AGAP1: variants seen among roughly 807,000 people sequenced by gnomAD.
AGAP1 encodes the protein ArfGAP with GTPase domain, ankyrin repeat and PH domain 1.
Under a neutral mutation model 105.3 loss-of-function variants are expected in AGAP1, and 29 were observed. The ratio of observed to expected loss-of-function variants is 0.28; its 90% CI spans 0.21 to 0.38. The LOEUF (loss-of-function observed/expected upper bound fraction) is 0.38, where lower values mean the gene tolerates loss of function less well. Ranked by LOEUF, AGAP1 falls within the 10% of genes least tolerant of loss-of-function variation. The pLI, the probability that AGAP1 is intolerant of heterozygous loss-of-function variation, is 1.00. For synonymous variants in AGAP1, 509 were observed against 485.9 expected, an observed-to-expected ratio of 1.05 and a Z score of -0.63; for missense variants, 998 against 1,165.1, an observed-to-expected ratio of 0.86 and a Z score of 2.09.
chr2:235,913,103 T>C (rs907702808), intron 11 of AGAP1, among the ~76,000 whole-genome samples: 5 of 152,228 alleles, frequency 3.3e-5, no homozygotes, highest in Non-Finnish European at 5.9e-5. Flanking sequence ...AGGTTTTCCC[T>C]CTTTTTTATT....
At chr2:235,868,497 G>A (rs1446749413) in intron 9 of AGAP1, among the ~76,000 whole-genome samples, 5 of 152,248 alleles carry the variant, frequency 3.3e-5, no homozygotes, top group East Asian at 1.9e-4. Context: ...CGTTGAGACT[G>A]TTGCTCCATC....
intron 1 of AGAP1, among the ~76,000 whole-genome samples, chr2:235,527,219 C>G (rs1355442476): frequency 6.6e-6 from 1 of 152,144 alleles, no homozygotes. Flanking sequence ...AGACATTGGC[C>G]AGGCAAGCAT....
rs747027096 is a variant in AGAP1 at position 235,877,468 on chromosome 2, T to C, written c.1051-5877T>C. 2.0e-5 allele frequency among the ~76,000 whole-genome samples: 3 copies of C among 152,090 alleles called. No individual in the cohort carries two copies. The highest frequency in any genetic ancestry group is 2.9e-5 in the Non-Finnish European group (2 of 68,020). On this transcript the variant is annotated intron_variant, in intron 9 of 17. Transcript: ENST00000304032. This position sits in a 1 kb window ranked among gnomAD's most constrained non-coding sequence, Gnocchi z 4.3. ...GTATCACGTGGTGACCCCAGTCTCT[T>C]CCTTTCCTGCTTTCATACTGAGAAA...
intron 1 of AGAP1, among the ~76,000 whole-genome samples, chr2:235,547,415 G>A (rs1943661762): frequency 6.7e-6 from 1 of 148,454 alleles, no homozygotes; most frequent in African/African-American, 2.5e-5. Context: ...CTGGAGTGCA[G>A]TGGTGCGATC....
intron 9 of AGAP1, among the ~76,000 whole-genome samples, chr2:235,818,406 G>A (rs568097804): frequency 2.0e-5 from 3 of 152,050 alleles, no homozygotes; most frequent in Non-Finnish European, 4.4e-5. Context: ...TCCCCTTCCC[G>A]CCCCATGCCA....
chr2:236,105,637 C>T lies in AGAP1; in HGVS notation c.2115-14555C>T, dbSNP rs1369615762. Among the ~76,000 whole-genome samples the T allele has an allele frequency of 6.7e-6, 1 of 150,146 alleles. No homozygotes were observed. The highest frequency in any genetic ancestry group is 1.5e-5 in the Non-Finnish European group (1 of 67,726). ...GTGGCGTGAACTCGGCTCACTGCAA[C>T]CTCCGCCTCCCGGGTTCACACCATT... On this transcript the variant is annotated intron_variant, in intron 16 of 17. Transcript: ENST00000304032. The surrounding 1 kb of genome is among the most constrained non-coding windows in gnomAD (Gnocchi z 4.2).
At chr2:235,935,546 C>T (rs917480610) in intron 12 of AGAP1, among the ~76,000 whole-genome samples, 1 of 151,540 alleles carries the variant, frequency 6.6e-6, no homozygotes, top group African/African-American at 2.4e-5. Context: ...AATTGATCTA[C>T]ATGTCAGATC....
At chr2:235,897,632 T>G (rs940857618) in intron 10 of AGAP1, among the ~76,000 whole-genome samples, 3 of 152,134 alleles carry the variant, frequency 2.0e-5, no homozygotes, top group Non-Finnish European at 2.9e-5. Flanking sequence ...TTTTGGCCTT[T>G]TCGTGTTACT....
rs933312347 is a variant in AGAP1, at chr2:235,737,357, T to C, written c.311-3606T>C. Among the ~76,000 whole-genome samples, 1 of 152,254 alleles carries C rather than the reference T, an allele frequency of 6.6e-6. No individual in the cohort carries two copies. Among genetic ancestry groups the C allele is most frequent in the Admixed American group, 6.5e-5 (1 of 15,282 alleles). On this transcript the variant is annotated intron_variant, in intron 3 of 17. Transcript: ENST00000304032. The surrounding 1 kb of genome is among the most constrained non-coding windows in gnomAD (Gnocchi z 4.5). ...CTGAAAAGAACTGTTAATTATACTC[T>C]GTATCTGCCGGGGGAATGTAAACTG...
intron 6 of AGAP1, among the ~76,000 whole-genome samples, chr2:235,774,870 G>T (rs1235673797): frequency 6.6e-6 from 1 of 152,100 alleles, no homozygotes; most frequent in East Asian, 1.9e-4. Flanking sequence ...GCATTCACTC[G>T]CCCATTCATT....
chr2:235,514,066 T>C (rs1942267847), intron 1 of AGAP1, among the ~76,000 whole-genome samples: 1 of 152,222 alleles, frequency 6.6e-6, no homozygotes, highest in South Asian at 2.1e-4. Flanking sequence ...GGTGTTTATG[T>C]GTACAGAACA....
intron 11 of AGAP1, among the ~76,000 whole-genome samples, chr2:235,926,874 T>C (rs2052474779): frequency 6.6e-6 from 1 of 152,150 alleles, no homozygotes; most frequent in Non-Finnish European, 1.5e-5. Flanking sequence ...GGCTGTCAGC[T>C]CTTTGTTCAT....
intron 1 of AGAP1, among the ~76,000 whole-genome samples, chr2:235,688,925 C>CA (rs1162192961): frequency 6.6e-6 from 1 of 152,144 alleles, no homozygotes; most frequent in African/African-American, 2.4e-5. Flanking sequence ...AACGCAATTG[C>CA]AGCAGCAGCA....
In AGAP1 at chr2:235,735,158, C is replaced by T. The variant is rs150553495; in HGVS notation, c.311-5805C>T. Among the ~76,000 whole-genome samples, 48 of 152,324 alleles carry T rather than the reference C, an allele frequency of 3.2e-4. 1 individual carries two copies. In the East Asian group the frequency reaches 8.7e-3, roughly 28 times the overall value. On this transcript the variant is annotated intron_variant, in intron 3 of 17. Transcript: ENST00000304032. The stretch of plus-strand genomic sequence containing the variant: ...TGTGGGAAAACAAGTGCTTTGTAGA[C>T]GATGGCGTTGGAAGGCACACTGTCG...
At chr2:235,763,458 T>C (rs188112697) in intron 6 of AGAP1, among the ~76,000 whole-genome samples, 102 of 152,334 alleles carry the variant, frequency 6.7e-4, no homozygotes, top group African/African-American at 1.9e-3. Context: ...AGACATTTGG[T>C]TGGTTTTTTA....
chr2:235,848,061 G>A, intron 9 of AGAP1, among the ~76,000 whole-genome samples: 1 of 152,184 alleles, frequency 6.6e-6, no homozygotes, highest in East Asian at 1.9e-4. Flanking sequence ...GGCACTGCTT[G>A]GTTTCTGGGT....
At chr2:235,697,775 T>C (rs898590330) in intron 1 of AGAP1, among the ~76,000 whole-genome samples, 2 of 152,220 alleles carry the variant, frequency 1.3e-5, no homozygotes, top group Non-Finnish European at 2.9e-5. Context: ...TAATTCTTTC[T>C]GGAATGAAAA....
intron 6 of AGAP1, among the ~76,000 whole-genome samples, chr2:235,770,831 A>T (rs1371932338): frequency 6.6e-6 from 1 of 152,122 alleles, no homozygotes; most frequent in African/African-American, 2.4e-5. Context: ...GTGAGCAGGA[A>T]GATGGGGTCC....
Position 235,968,526 on chromosome 2 carries a change from C to CGGGGGGGGGGGGGGGGGGGGGGGGGGGGG in AGAP1, c.1549_1550insGGGGGGGGGGGGGGGGGGGGGGGGGGGGG (p.Asp517GlyfsTer97). 1.3e-6 allele frequency: 2 copies of CGGGGGGGGGGGGGGGGGGGGGGGGGGGGG among 1,544,904 alleles called. No homozygotes were observed. Among genetic ancestry groups the CGGGGGGGGGGGGGGGGGGGGGGGGGGGGG allele is most frequent in the Non-Finnish European group, 1.8e-6 (2 of 1,133,850 alleles). On this transcript the variant is annotated frameshift_variant, in exon 13 of 18. Coordinates refer to ENST00000304032, the MANE Select transcript of AGAP1 (RefSeq NM_001037131.3). LOFTEE classifies it high-confidence loss of function. ...TCTCCAGCACCACCAGCCCCAAGCT[C>CGGGGGGGGGGGGGGGGGGGGGGGGGGGGG]GACCCGCCCCCCTCCCCTCACGCCA...
Sources: allele counts gnomAD v4.1 joint callset (sites outside exome capture counted in the v4.1 genomes callset), GRCh38; gene constraint gnomAD v4.1.1; non-coding constraint Gnocchi (gnomAD v3.1); transcripts MANE v1.5; gene names NCBI Gene and HGNC (gene_info 2026-07-23, HGNC 2026-07-21).